The following TTLL5 variants were observed in gnomAD, a reference collection of about 807,000 sequenced individuals.
TTLL5 encodes tubulin polyglutamylase TTLL5.
TTLL5 carries 132 observed loss-of-function variants against 168.4 expected under a neutral mutation model. That is an observed-to-expected ratio of 0.78 (90% confidence interval 0.68 to 0.91). TTLL5 has a LOEUF of 0.91. Among genes scored for constraint, TTLL5 ranks in the 40% least tolerant of loss-of-function variants. The probability of loss-of-function intolerance (pLI) is 0.00; values close to 1 mark genes in which losing one functional copy is unlikely to be tolerated. For missense variants in TTLL5, 1,545 were observed against 1,581.5 expected, an observed-to-expected ratio of 0.98 and a Z score of 0.39; for synonymous variants, 546 against 558.6, an observed-to-expected ratio of 0.98 and a Z score of 0.32.
chr14:75,787,343 A>G (rs1468497900), intron 26 of TTLL5, among the ~76,000 whole-genome samples: 2 of 152,204 alleles, frequency 1.3e-5, no homozygotes, highest in Non-Finnish European at 2.9e-5. Flanking sequence ...TAACCAGAAG[A>G]AAGTTGGTAT....
intron 26 of TTLL5, among the ~76,000 whole-genome samples, chr14:75,790,632 C>T (rs1892642862): frequency 1.3e-5 from 2 of 151,672 alleles, no homozygotes; most frequent in African/African-American, 4.8e-5. Flanking sequence ...GTCCCCACAC[C>T]CAGCTAAGTT....
intron 2 of TTLL5, among the ~76,000 whole-genome samples, chr14:75,665,835 G>C (rs755983893): frequency 1.1e-4 from 16 of 152,202 alleles, no homozygotes; most frequent in Non-Finnish European, 2.4e-4. Context: ...CTGGGAGACA[G>C]AGTGAGACTC....
intron 3 of TTLL5, among the ~76,000 whole-genome samples, chr14:75,673,964 A>C (rs559615752): frequency 3.9e-5 from 6 of 152,214 alleles, no homozygotes; most frequent in Non-Finnish European, 8.8e-5. Flanking sequence ...GTGGATAAAA[A>C]CAAATATTCC....
chr14:75,852,845 A>G (rs1045316482), intron 28 of TTLL5, among the ~76,000 whole-genome samples: 3 of 152,218 alleles, frequency 2.0e-5, no homozygotes, highest in Admixed American at 6.5e-5. Flanking sequence ...CAGTGTTCCC[A>G]GTCAGCAGTT....
At chr14:75,856,468 C>T (rs175906) in intron 28 of TTLL5, among the ~76,000 whole-genome samples, 136,768 of 152,200 alleles carry the variant, frequency 0.9, 61,611 homozygotes, top group African/African-American at 0.95. Context: ...TATTGAGTCT[C>T]CCAGTGAGTC....
chr14:75,904,227 A>G (rs926999741), intron 31 of TTLL5: 3 of 1,213,774 alleles, frequency 2.5e-6, no homozygotes, highest in South Asian at 1.5e-5. Flanking sequence ...GGAAAGAAAA[A>G]AAGAATTACT....
At chr14:75,829,473 T>A (rs1002395291) in intron 28 of TTLL5, among the ~76,000 whole-genome samples, 1 of 152,040 alleles carries the variant, frequency 6.6e-6, no homozygotes, top group African/African-American at 2.4e-5. Flanking sequence ...AGAAATACAT[T>A]TACTATTCAT....
At chr14:75,909,446 T>TCC (rs1420107153) in intron 31 of TTLL5, among the ~76,000 whole-genome samples, 2 of 151,700 alleles carry the variant, frequency 1.3e-5, no homozygotes, top group East Asian at 3.9e-4. Context: ...CCTAGGCTTT[T>TCC]CCCCCCACTG....
intron 29 of TTLL5, among the ~76,000 whole-genome samples, chr14:75,870,769 T>A (rs183552202): frequency 6.6e-6 from 1 of 152,286 alleles, no homozygotes; most frequent in East Asian, 1.9e-4. Context: ...GATGACATGT[T>A]TGCTTAATTC....
At chr14:75,900,361 A>G (rs941031636) in intron 30 of TTLL5, among the ~76,000 whole-genome samples, 6 of 152,154 alleles carry the variant, frequency 3.9e-5, no homozygotes, top group Non-Finnish European at 5.9e-5. Context: ...CCTTGCGCCA[A>G]TGCTGGGCTA....
chr14:75,940,049 A>ACCAGAGC (rs2140190486), intron 31 of TTLL5, among the ~76,000 whole-genome samples: 1 of 147,060 alleles, frequency 6.8e-6, no homozygotes, highest in East Asian at 2.0e-4. Flanking sequence ...ACTCTTCATT[A>ACCAGAGC]CCAGAGCTCC....
intron 31 of TTLL5, among the ~76,000 whole-genome samples, chr14:75,919,197 C>CAAAAAA (rs10655974): frequency 6.8e-4 from 38 of 56,060 alleles, no homozygotes; most frequent in African/African-American, 1.6e-3. Context: ...AAGACCGTCT[C>CAAAAAA]AAAAAAAAAA....
chr14:75,904,217 GGAAA>G (rs979811882), intron 31 of TTLL5: 12 of 1,132,646 alleles, frequency 1.1e-5, no homozygotes, highest in Non-Finnish European at 1.2e-5. Flanking sequence ...AAAAAAAAAA[GGAAA>G]GAAAAAAAGA....
rs1883999878 is a variant in TTLL5, at chr14:75,674,641, A to AT, written c.181+5123dup. ...ACTTTAAATGTGTAAATGGGATTGT[A>AT]TTTTAGAGACAACATAGGTATTTTC... On this transcript the variant is annotated intron_variant, in intron 3 of 31. Transcript: ENST00000298832. Among the ~76,000 whole-genome samples, 3 of 152,200 alleles carry AT rather than the reference A, an allele frequency of 2.0e-5. No homozygotes were observed. In the South Asian group the frequency reaches 6.2e-4, roughly 32 times the overall value.
chr14:75,715,326 T>C (rs1223438242), intron 9 of TTLL5, among the ~76,000 whole-genome samples: 2 of 149,208 alleles, frequency 1.3e-5, no homozygotes, highest in Non-Finnish European at 3.0e-5. Context: ...TGGCTACCCC[T>C]GGGCTGCAAG....
chr14:75,737,554 T>G (rs1318135285), intron 15 of TTLL5: 1 of 1,534,976 alleles, frequency 6.5e-7, no homozygotes, highest in East Asian at 2.4e-5. Flanking sequence ...TCCATTTTTC[T>G]GTCTTTTATA....
chr14:75,868,500 A>G (rs2030725276), intron 29 of TTLL5, among the ~76,000 whole-genome samples: 1 of 152,128 alleles, frequency 6.6e-6, no homozygotes, highest in African/African-American at 2.4e-5. Context: ...AAGTTTACCA[A>G]ACTAATCTGG....
intron 28 of TTLL5, among the ~76,000 whole-genome samples, chr14:75,828,140 A>G (rs1378396336): frequency 1.3e-5 from 2 of 152,208 alleles, no homozygotes; most frequent in Non-Finnish European, 1.5e-5. Flanking sequence ...GCTTTCTGGC[A>G]TAGTAGGTAA....
intron 26 of TTLL5, among the ~76,000 whole-genome samples, chr14:75,785,381 T>C (rs1892307513): frequency 6.6e-6 from 1 of 152,184 alleles, no homozygotes. Context: ...GGTTTCACCA[T>C]GTTGGCCAGG....
Sources: gnomAD v4.1 joint callset for allele counts (sites outside exome capture counted in the v4.1 genomes callset) on GRCh38, gnomAD v4.1.1 for gene constraint, MANE v1.5 for transcripts, NCBI Gene and HGNC (gene_info 2026-07-23, HGNC 2026-07-21) for gene names.